NAPEPLD: variants seen among roughly 807,000 people sequenced by gnomAD.
The protein encoded by NAPEPLD is N-acyl phosphatidylethanolamine phospholipase D, also known as N-acyl-phosphatidylethanolamine-hydrolyzing phospholipase D.
Under a neutral mutation model 38.1 loss-of-function variants are expected in NAPEPLD, and 23 were observed. That is an observed-to-expected ratio of 0.60 (90% CI 0.43 to 0.86). The LOEUF (loss-of-function observed/expected upper bound fraction) is 0.86, where lower values mean the gene tolerates loss of function less well. NAPEPLD is among the 40% of genes least tolerant of loss of function. The pLI, the probability that NAPEPLD is intolerant of heterozygous loss-of-function variation, is 0.00. For missense variants in NAPEPLD, 411 were observed against 476.8 expected (o/e 0.86, Z 1.28); for synonymous variants, 147 against 162.0 (o/e 0.91, Z 0.71).
intron 2 of NAPEPLD, 24 bp from the exon 3 acceptor site, chr7:103,120,247 CAA>C (rs769079960): frequency 2.5e-6 from 4 of 1,583,112 alleles, no homozygotes; most frequent in African/African-American, 2.7e-5. Flanking sequence ...GAAAGCAAGA[CAA>C]AAGAGTAGTT....
intron 2 of NAPEPLD, among the ~76,000 whole-genome samples, chr7:103,125,562 G>A (rs192945160): frequency 4.4e-4 from 67 of 152,048 alleles, no homozygotes; most frequent in Non-Finnish European, 7.2e-4. Flanking sequence ...TCATCCCTAC[G>A]ACTCTACGAG....
At chr7:103,125,917 T>TA (rs577677802) in intron 2 of NAPEPLD, among the ~76,000 whole-genome samples, 6,354 of 146,304 alleles carry the variant, frequency 0.043, 177 homozygotes, top group East Asian at 0.15. Flanking sequence ...ATAATAATAA[T>TA]AATAAATAAA....
At chr7:103,126,782 A>ATTTTTTT (rs61285914) in intron 2 of NAPEPLD, 164 of 78,500 alleles carry the variant, frequency 2.1e-3, no homozygotes, top group Non-Finnish European at 2.9e-3. Context: ...AATTTTTTGT[A>ATTTTTTT]TTTTTTTTTT....
chr7:103,139,125 CCAGGA>C (rs1217226602), intron 1 of NAPEPLD, among the ~76,000 whole-genome samples: 1 of 152,136 alleles, frequency 6.6e-6, no homozygotes, highest in East Asian at 1.9e-4. Context: ...TTATTAAGAG[CCAGGA>C]CATATAAATC....
At chr7:103,112,268 A>G (rs1469448901) in intron 4 of NAPEPLD, among the ~76,000 whole-genome samples, 1 of 152,166 alleles carries the variant, frequency 6.6e-6, no homozygotes, top group East Asian at 1.9e-4. Context: ...TACCCAGAGG[A>G]TTATAAATCA....
chr7:103,127,576 A>G (rs1365191015), intron 2 of NAPEPLD: 1 of 152,200 alleles, frequency 6.6e-6, no homozygotes, highest in Non-Finnish European at 1.5e-5. Context: ...CCTAGAATGT[A>G]AGTCGGCAGA....
chr7:103,106,097 G>A (rs1041832860), intron 4 of NAPEPLD, among the ~76,000 whole-genome samples: 1 of 152,168 alleles, frequency 6.6e-6, no homozygotes, highest in African/African-American at 2.4e-5. Flanking sequence ...CGGAGGGTGA[G>A]CCAAAGGAGG....
At chr7:103,107,466 C>T (rs913144718) in intron 4 of NAPEPLD, among the ~76,000 whole-genome samples, 2 of 151,892 alleles carry the variant, frequency 1.3e-5, no homozygotes, top group Non-Finnish European at 2.9e-5. Context: ...GCTAAAGGAG[C>T]GTATTCTAAC....
chr7:103,142,060 G>C, intron 1 of NAPEPLD: 2 of 589,006 alleles, frequency 3.4e-6, no homozygotes, highest in East Asian at 5.5e-5. Flanking sequence ...TAAAAGTTCT[G>C]TGGGTGTTTC....
At chr7:103,147,116 A>G (rs1040392016) in intron 1 of NAPEPLD, among the ~76,000 whole-genome samples, 1 of 152,212 alleles carries the variant, frequency 6.6e-6, no homozygotes, top group Non-Finnish European at 1.5e-5. Context: ...TACACAATAA[A>G]TGGTTAATAA....
intron 1 of NAPEPLD, among the ~76,000 whole-genome samples, chr7:103,131,940 C>T (rs1198919587): frequency 1.3e-5 from 2 of 152,142 alleles, no homozygotes; most frequent in South Asian, 2.1e-4. Flanking sequence ...ACAGTGAAGG[C>T]TCGTCTCTAC....
chr7:103,124,625 C>T (rs1265739006), intron 2 of NAPEPLD, among the ~76,000 whole-genome samples: 2 of 152,022 alleles, frequency 1.3e-5, no homozygotes, highest in Admixed American at 1.3e-4. Flanking sequence ...ATGGAAAATC[C>T]CAAGACTCAT....
In NAPEPLD at chr7:103,134,465, C is replaced by T. The variant is rs1468772127; in HGVS notation, c.-16-5673G>A. On this transcript the variant is annotated intron_variant, in intron 1 of 4. Coordinates refer to ENST00000465647, the MANE Select transcript of NAPEPLD (RefSeq NM_001122838.3). ...GGGAGTTCGAGACCAGCCTGGCCAA[C>T]ATGGTGAAACCCCATCTCTACTAAA... 2.6e-5 allele frequency among the ~76,000 whole-genome samples: 4 copies of T among 152,128 alleles called. 1 individual carries two copies. Among genetic ancestry groups the T allele is most frequent in the Admixed American group, 2.6e-4 (4 of 15,274 alleles).
chr7:103,110,376 C>G (rs184949502), intron 4 of NAPEPLD, among the ~76,000 whole-genome samples: 189 of 152,278 alleles, frequency 1.2e-3, no homozygotes, highest in African/African-American at 4.4e-3. Flanking sequence ...CATCATAAAG[C>G]TTATTCACCA....
chr7:103,121,214 A>G (rs1207651122), intron 2 of NAPEPLD, among the ~76,000 whole-genome samples: 1 of 152,218 alleles, frequency 6.6e-6, no homozygotes, highest in Non-Finnish European at 1.5e-5. Context: ...AACAATAACT[A>G]TAACAAAGCG....
chr7:103,131,404 A>C (rs548967238), intron 1 of NAPEPLD, among the ~76,000 whole-genome samples: 2 of 152,218 alleles, frequency 1.3e-5, no homozygotes, highest in African/African-American at 4.8e-5. Flanking sequence ...AACGCCTATA[A>C]TTCCAGCACT....
intron 4 of NAPEPLD, among the ~76,000 whole-genome samples, chr7:103,113,771 T>C (rs961457814): frequency 2.0e-4 from 30 of 148,594 alleles, no homozygotes; most frequent in African/African-American, 7.0e-4. Context: ...GCTGGAATTA[T>C]AGGCGCCTGC....
intron 1 of NAPEPLD, among the ~76,000 whole-genome samples, chr7:103,137,368 C>T (rs1810284925): frequency 1.3e-5 from 2 of 152,066 alleles, no homozygotes; most frequent in South Asian, 4.1e-4. Context: ...AAGAGGTTTT[C>T]CCCATATGTA....
At chr7:103,109,487 C>T (rs1804074070) in intron 4 of NAPEPLD, among the ~76,000 whole-genome samples, 1 of 152,162 alleles carries the variant, frequency 6.6e-6, no homozygotes, top group African/African-American at 2.4e-5. Context: ...GAACAACCTG[C>T]TCCTGAATGA....
Sources: allele counts gnomAD v4.1 joint callset (sites outside exome capture counted in the v4.1 genomes callset), GRCh38; gene constraint gnomAD v4.1.1; transcripts MANE v1.5; gene names NCBI Gene and HGNC (gene_info 2026-07-23, HGNC 2026-07-21).